ALS2: variants seen among roughly 807,000 people sequenced by gnomAD.
ALS2 encodes the protein alsin Rho guanine nucleotide exchange factor ALS2, also known as alsin.
A neutral mutation model predicts 203.4 loss-of-function variants in ALS2; 117 were observed. The observed-to-expected ratio is 0.58, with a 90% CI of 0.50 to 0.67. The LOEUF is 0.67. Ranked by LOEUF, ALS2 falls within the 30% of genes least tolerant of loss-of-function variation. The probability of loss-of-function intolerance (pLI) is 0.00; values close to 1 mark genes in which losing one functional copy is unlikely to be tolerated. For missense variants in ALS2, 1,715 were observed against 1,989.4 expected (o/e 0.86, Z 2.62); for synonymous variants, 718 against 725.9 (o/e 0.99, Z 0.17).
At position 201,767,611 on chromosome 2, in the gene ALS2, C is replaced by T. The variant is rs533288806; in HGVS notation, c.21-228G>A. ...GGCGTGGTGGCTCACACCTGTAATC[C>T]CAGCCCTTTGGGAGGCCGAGGCAGG... On this transcript the variant is annotated intron_variant, in intron 2 of 33. Transcript: ENST00000264276. 2.6e-5 allele frequency among the ~76,000 whole-genome samples: 4 copies of T among 151,920 alleles called. No homozygotes were observed. In the East Asian group the frequency reaches 7.7e-4, roughly 29 times the overall value.
At chr2:201,735,500 A>G (rs1316711927) in intron 12 of ALS2, among the ~76,000 whole-genome samples, 1 of 152,270 alleles carries the variant, frequency 6.6e-6, no homozygotes, top group Non-Finnish European at 1.5e-5. Context: ...TCCAAGATCC[A>G]CTAACAGCCA....
rs529025721 is a variant in ALS2, at chr2:201,759,764, G to C, written c.1113+1117C>G. The C allele has an allele frequency of 1.5e-4, 144 of 985,096 alleles. 1 individual carries two copies. The African/African-American group carries it at 2.3e-3, about 16-fold the overall frequency. The allele number at this position is 985,096 out of a possible 1,614,324, so 61.0% of individuals were successfully genotyped here. A position where few individuals can be genotyped will look rare whatever the true frequency, so the allele number is the denominator to read the frequency against. On this transcript the variant is annotated intron_variant, in intron 4 of 33. Coordinates refer to ENST00000264276, the MANE Select transcript of ALS2 (RefSeq NM_020919.4). The stretch of plus-strand genomic sequence containing the variant: ...CACATTCTGACAGAGTAAACAATAA[G>C]AATTGAGAATCAAGAGGCTATGTGG...
intron 3 of ALS2, among the ~76,000 whole-genome samples, chr2:201,764,678 TAAATA>T (rs1172653270): frequency 5.6e-5 from 8 of 141,858 alleles, no homozygotes; most frequent in Admixed American, 2.7e-4. Flanking sequence ...AATAAATAAA[TAAATA>T]AAAGTGAATC....
rs547958124 is a variant in ALS2, at chr2:201,711,190, A to G, written c.4005-82T>C. 7.9e-5 allele frequency: 68 copies of G among 858,302 alleles called. 1 individual carries two copies. Among genetic ancestry groups the G allele is most frequent in the Non-Finnish European group, 1.3e-4 (68 of 506,694 alleles). 53.2% of individuals were successfully genotyped at this position (858,302 alleles called of 1,614,324 possible). ...GTAAATACTCACATGAAACACAATCACTAGCTCCAGTCAAAGTGGAGCATC... is the reference window on the plus strand; with the variant it reads ...GTAAATACTCACATGAAACACAATCGCTAGCTCCAGTCAAAGTGGAGCATC... On this transcript the variant is annotated intron_variant, in intron 25 of 33. Coordinates refer to ENST00000264276, the MANE Select transcript of ALS2 (RefSeq NM_020919.4).
intron 1 of ALS2, among the ~76,000 whole-genome samples, chr2:201,770,178 A>C (rs1694313144): frequency 6.6e-6 from 1 of 152,194 alleles, no homozygotes; most frequent in Non-Finnish European, 1.5e-5. Flanking sequence ...GAGATCATGG[A>C]GTTACTACGC....
chr2:201,727,792 G>A lies in ALS2; in HGVS notation c.2842-17C>T, dbSNP rs373865914. On this transcript the variant is annotated splice_polypyrimidine_tract_variant and intron_variant, in intron 15 of 33. Coordinates refer to ENST00000264276, the MANE Select transcript of ALS2 (RefSeq NM_020919.4). ...CGTGGAGAACTGAAACAGAGAACAC[G>A]GAGGCACTTTTATGAAAGCCCATGT... The A allele has an allele frequency of 2.4e-5, 38 of 1,551,126 alleles. No individual in the cohort carries two copies. Among genetic ancestry groups the A allele is most frequent in the South Asian group, 4.8e-5 (4 of 84,050 alleles).
At chr2:201,722,748 A>C (rs529747392) in intron 23 of ALS2, 315 of 376,950 alleles carry the variant, frequency 8.4e-4, no homozygotes, top group Non-Finnish European at 1.1e-3. Context: ...TTCCATTTAT[A>C]CAAAAGGCCC....
intron 13 of ALS2, among the ~76,000 whole-genome samples, chr2:201,731,602 T>C (rs1262080820): frequency 3.3e-5 from 5 of 152,218 alleles, no homozygotes; most frequent in Non-Finnish European, 5.9e-5. Flanking sequence ...ATTATTTTTA[T>C]ATGGAGACAT....
At chr2:201,775,329 T>A (rs1694607502) in intron 1 of ALS2, among the ~76,000 whole-genome samples, 2 of 152,222 alleles carry the variant, frequency 1.3e-5, no homozygotes, top group South Asian at 4.1e-4. Context: ...TTACCATCAA[T>A]TTCCTATAGT....
chr2:201,719,345 C>T (rs1690608194), intron 23 of ALS2, among the ~76,000 whole-genome samples: 2 of 152,180 alleles, frequency 1.3e-5, no homozygotes, highest in Non-Finnish European at 2.9e-5. Flanking sequence ...AGTACCAGCC[C>T]TTTGGGAGGC....
At chr2:201,713,541 A>C (rs1322016604) in intron 25 of ALS2, among the ~76,000 whole-genome samples, 1 of 152,128 alleles carries the variant, frequency 6.6e-6, no homozygotes, top group African/African-American at 2.4e-5. Context: ...AGATTTGATA[A>C]TCCATACTGA....
intron 25 of ALS2, among the ~76,000 whole-genome samples, chr2:201,715,092 C>T (rs1214174619): frequency 1.3e-5 from 2 of 152,190 alleles, no homozygotes; most frequent in East Asian, 1.9e-4. Context: ...AAGAAGATTC[C>T]ACTCTCTCAA....
At chr2:201,756,670 G>A (rs963018412) in intron 5 of ALS2, among the ~76,000 whole-genome samples, 9 of 152,234 alleles carry the variant, frequency 5.9e-5, no homozygotes, top group Non-Finnish European at 1.2e-4. Flanking sequence ...GAGACAGGAT[G>A]TCCTACAAAC....
chr2:201,725,349 A>G lies in ALS2; in HGVS notation c.3347+7T>C. ...AAACACCAGTCCAACAGCCTTTCCA[A>G]TGTTACCTGTAGACTCCTTGACCGC... On this transcript the variant is annotated splice_region_variant and intron_variant, in intron 20 of 33. Coordinates refer to ENST00000264276, the MANE Select transcript of ALS2 (RefSeq NM_020919.4). The G allele has an allele frequency of 2.4e-5, 38 of 1,610,788 alleles. No homozygotes were observed. The highest frequency in any genetic ancestry group is 3.2e-5 in the Non-Finnish European group (38 of 1,177,020).
At chr2:201,720,955 C>A (rs966194793) in intron 23 of ALS2, among the ~76,000 whole-genome samples, 14 of 151,534 alleles carry the variant, frequency 9.2e-5, no homozygotes, top group Non-Finnish European at 1.5e-4. Flanking sequence ...AATCCACACA[C>A]AAAAAAAACC....
Position 201,715,781 on chromosome 2 carries a change from C to T in ALS2, c.3895G>A (p.Glu1299Lys), listed in dbSNP as rs752484747. 10 of 1,614,166 alleles carry T rather than the reference C, an allele frequency of 6.2e-6. No individual in the cohort carries two copies. The highest frequency in any genetic ancestry group is 1.6e-4 in the Middle Eastern group (1 of 6,062). The change falls in exon 25 of 34, where the codon GAA becomes AAA. Residue 1299 changes from glutamate (E) to lysine (K), a missense_variant. Glu to Lys is a moderately conservative substitution (Grantham distance 56). Coordinates refer to ENST00000264276, the MANE Select transcript of ALS2 (RefSeq NM_020919.4). ...ADEKWKAVFD[E>K]CWRQLGCEGP... ...TCACAGCCCAGTTGGCGCCAACATT[C>T]GTCAAACACCGCTTTCCACTTCTCA...
chr2:201,755,073 A>G (rs2106075449), intron 5 of ALS2, among the ~76,000 whole-genome samples: 1 of 152,290 alleles, frequency 6.6e-6, no homozygotes, highest in African/African-American at 2.4e-5. Flanking sequence ...ATACTATACT[A>G]AGGCTGACAA....
rs1186710379 is a variant in ALS2, at chr2:201,746,740, A to C, written c.1824T>G (p.Ser608Arg). The change falls in exon 9 of 34, where the codon AGT (serine) becomes AGG (arginine). Residue 608 changes from serine (S) to arginine (R), a missense_variant. Ser to Arg is a moderately radical substitution (Grantham distance 110, BLOSUM62 -1). Coordinates refer to ENST00000264276, the MANE Select transcript of ALS2 (RefSeq NM_020919.4). The stretch of plus-strand genomic sequence containing the variant: ...CAGCTATGCTCCAGACTCCATTTTC[A>C]CTGCTTATCTGCAACGACAGAAAGA... ...TTVPRLAKIS[S>R]ENGVWSIAAG... 6.2e-7 allele frequency: 1 copy of C among 1,614,108 alleles called. No homozygotes were observed. The highest frequency in any genetic ancestry group is 1.1e-5 in the South Asian group (1 of 91,074).
chr2:201,760,570 C>T (rs989422760), intron 4 of ALS2: 9 of 1,148,228 alleles, frequency 7.8e-6, no homozygotes, highest in Non-Finnish European at 9.6e-6. Flanking sequence ...CTATTCAGGG[C>T]CCACCAAAAT....
Sources: allele counts gnomAD v4.1 joint callset (sites outside exome capture counted in the v4.1 genomes callset), GRCh38; gene constraint gnomAD v4.1.1; transcripts MANE v1.5; gene names NCBI Gene and HGNC (gene_info 2026-07-23, HGNC 2026-07-21).